ZDHHC20: variants seen among roughly 807,000 people sequenced by gnomAD.
ZDHHC20 encodes zDHHC palmitoyltransferase 20.
Under a neutral mutation model 57.8 loss-of-function variants are expected in ZDHHC20, and 43 were observed. The observed-to-expected ratio is 0.74, with a 90% CI of 0.58 to 0.96. The LOEUF is 0.96. Among genes scored for constraint, ZDHHC20 ranks in the 40% least tolerant of loss-of-function variants. The probability of loss-of-function intolerance (pLI) is 0.00; values close to 1 mark genes in which losing one functional copy is unlikely to be tolerated. For missense variants in ZDHHC20, 391 were observed against 441.1 expected, an observed-to-expected ratio of 0.89 and a Z score of 1.02; for synonymous variants, 157 against 153.0, an observed-to-expected ratio of 1.03 and a Z score of -0.19.
At chr13:21,397,416 C>G (rs1242134331) in intron 7 of ZDHHC20, among the ~76,000 whole-genome samples, 1 of 151,518 alleles carries the variant, frequency 6.6e-6, no homozygotes, top group Non-Finnish European at 1.5e-5. Context: ...AATCCCAGCA[C>G]TTTGGGAGGC....
At chr13:21,423,627 T>C (rs1167506791) in intron 2 of ZDHHC20, among the ~76,000 whole-genome samples, 4 of 151,630 alleles carry the variant, frequency 2.6e-5, no homozygotes, top group Non-Finnish European at 4.4e-5. Context: ...TGAGCCGAGA[T>C]CGTGCCACTG....
chr13:21,434,162 T>C, intron 1 of ZDHHC20, among the ~76,000 whole-genome samples: 1 of 152,208 alleles, frequency 6.6e-6, no homozygotes, highest in Non-Finnish European at 1.5e-5. Context: ...AAATACCTGA[T>C]AAGTTGATAC....
intron 1 of ZDHHC20, among the ~76,000 whole-genome samples, chr13:21,431,557 T>C (rs914457360): frequency 6.6e-6 from 1 of 152,242 alleles, no homozygotes; most frequent in Non-Finnish European, 1.5e-5. Context: ...CCAAACTGTT[T>C]TCAAAGTGGC....
At chr13:21,417,039 C>T (rs1433622696) in intron 3 of ZDHHC20, among the ~76,000 whole-genome samples, 1 of 152,162 alleles carries the variant, frequency 6.6e-6, no homozygotes, top group East Asian at 1.9e-4. Flanking sequence ...CTTTATCAAT[C>T]GGCCTGTTAT....
chr13:21,431,204 G>A (rs1881877544), intron 1 of ZDHHC20, among the ~76,000 whole-genome samples: 1 of 152,180 alleles, frequency 6.6e-6, no homozygotes, highest in South Asian at 2.1e-4. Context: ...GTTCCACATG[G>A]CTGGGGAGGC....
intron 10 of ZDHHC20, among the ~76,000 whole-genome samples, chr13:21,382,373 T>C (rs1409197798): frequency 6.6e-6 from 1 of 152,254 alleles, no homozygotes; most frequent in Admixed American, 6.5e-5. Flanking sequence ...CAGAAGTATC[T>C]CTAGCTTCTT....
chr13:21,452,313 T>C (rs76484085), intron 1 of ZDHHC20, among the ~76,000 whole-genome samples: 1,960 of 152,336 alleles, frequency 0.013, 45 homozygotes, highest in African/African-American at 0.043. Flanking sequence ...TAAAAATAAC[T>C]GCATTGTACA....
In ZDHHC20 at chr13:21,459,247, C is replaced by T; in HGVS notation, c.-76G>A. 5.2e-6 allele frequency: 6 copies of T among 1,163,382 alleles called. No homozygotes were observed. Among genetic ancestry groups the T allele is most frequent in the Non-Finnish European group, 7.1e-6 (6 of 840,026 alleles). The allele number at this position is 1,163,382 out of a possible 1,614,324, so 72.1% of individuals were successfully genotyped here. ...GGAGCCCCGGCGACGGTGACTCGGA[C>T]GCTCCAGGCGGCTGCTGGTCCAGCT... On this transcript the variant is annotated 5_prime_UTR_variant, in exon 1 of 13. Coordinates refer to ENST00000400590, the MANE Select transcript of ZDHHC20 (RefSeq NM_001330059.2).
chr13:21,375,071 T>C lies in ZDHHC20; in HGVS notation c.*1625A>G, dbSNP rs754633126. On this transcript the variant is annotated 3_prime_UTR_variant, in exon 13 of 13. Transcript: ENST00000400590. ...CTCTATTGAACCTGGAAGGCAGAGG[T>C]TGCAGCGAGCCAAGATCCCGCCACT... 740 of 453,074 alleles carry C rather than the reference T, an allele frequency of 1.6e-3. 2 individuals are homozygous for C. The highest frequency in any genetic ancestry group is 2.6e-3 in the Non-Finnish European group (580 of 225,826). The allele number at this position is 453,074 out of a possible 1,614,324, so 28.1% of individuals were successfully genotyped here. A position where few individuals can be genotyped will look rare whatever the true frequency, so the allele number is the denominator to read the frequency against.
At chr13:21,449,280 T>C (rs1174755360) in intron 1 of ZDHHC20, among the ~76,000 whole-genome samples, 1 of 152,108 alleles carries the variant, frequency 6.6e-6, no homozygotes, top group African/African-American at 2.4e-5. Flanking sequence ...TTTCCTGCAA[T>C]TGTGTGGGCC....
intron 7 of ZDHHC20, among the ~76,000 whole-genome samples, chr13:21,392,081 ATT>A (rs900672457): frequency 2.0e-5 from 3 of 151,994 alleles, no homozygotes; most frequent in Admixed American, 6.6e-5. Flanking sequence ...CTGCTCTTAA[ATT>A]TTTTTTAATT....
At chr13:21,428,261 C>T in intron 1 of ZDHHC20, among the ~76,000 whole-genome samples, 1 of 152,012 alleles carries the variant, frequency 6.6e-6, no homozygotes, top group African/African-American at 2.4e-5. Flanking sequence ...TGTTCTGTCA[C>T]CCAGGCTGGA....
chr13:21,459,040 G>A lies in ZDHHC20; in HGVS notation c.118+14C>T, dbSNP rs1428432396. On this transcript the variant is annotated intron_variant, in intron 1 of 12. Transcript: ENST00000400590. ...GGCCCGCGCCCCGCCGCAGTCCCCG[G>A]GGACGGTACTCACACACGCAGAGCT... 2 of 1,579,478 alleles carry A rather than the reference G, an allele frequency of 1.3e-6. No homozygotes were observed. The highest frequency in any genetic ancestry group is 2.4e-5 in the East Asian group (1 of 41,312).
chr13:21,414,560 G>A (rs148964329), intron 3 of ZDHHC20, among the ~76,000 whole-genome samples: 1,284 of 80,594 alleles, frequency 0.016, 16 homozygotes, highest in East Asian at 0.031. Context: ...TTTAGTAGAG[G>A]CGAGGTTTCA....
chr13:21,392,925 A>G (rs1420565915), intron 7 of ZDHHC20, among the ~76,000 whole-genome samples: 2 of 152,210 alleles, frequency 1.3e-5, no homozygotes, highest in Admixed American at 1.3e-4. Context: ...TGTCACAAAG[A>G]TCATGAGAAT....
chr13:21,440,653 T>C (rs1487035098), intron 1 of ZDHHC20, among the ~76,000 whole-genome samples: 1 of 108,730 alleles, frequency 9.2e-6, no homozygotes, highest in Non-Finnish European at 2.5e-5. Context: ...TGTGTGTATA[T>C]ATATATATGA....
chr13:21,441,179 G>A (rs181301766), intron 1 of ZDHHC20, among the ~76,000 whole-genome samples: 12 of 152,252 alleles, frequency 7.9e-5, no homozygotes, highest in Admixed American at 7.2e-4. Context: ...ATTAATTGGG[G>A]GAGAACTGGC....
chr13:21,391,741 T>A lies in ZDHHC20; in HGVS notation c.708A>T (p.Gly236=). ...SLFSYHCWLV[G]KNRTTIESFR... ...ACTTACCTATTGTTGTTCTATTTTT[T>A]CCAACTAGCCAGCAGTGGTAGCTGA... Residue 236 remains glycine, a synonymous_variant, in exon 8 of 13, where the codon GGA becomes GGT. Transcript: ENST00000400590. 1 of 1,609,618 alleles carries A rather than the reference T, an allele frequency of 6.2e-7. No individual in the cohort carries two copies. The highest frequency in any genetic ancestry group is 8.5e-7 in the Non-Finnish European group (1 of 1,179,230).
intron 3 of ZDHHC20, among the ~76,000 whole-genome samples, chr13:21,417,209 C>T (rs751560476): frequency 2.6e-5 from 4 of 152,208 alleles, no homozygotes; most frequent in South Asian, 2.1e-4. Context: ...TCTTTCTCCC[C>T]GAAAGTAGCT....
Sources: gnomAD v4.1 joint callset for allele counts (sites outside exome capture counted in the v4.1 genomes callset) on GRCh38, gnomAD v4.1.1 for gene constraint, MANE v1.5 for transcripts, NCBI Gene and HGNC (gene_info 2026-07-23, HGNC 2026-07-21) for gene names.